Variants in PTPRD observed in about 807,000 individuals in gnomAD.
The protein encoded by PTPRD is protein tyrosine phosphatase receptor type D, also known as receptor-type tyrosine-protein phosphatase delta.
In PTPRD, 34 loss-of-function variants were observed where a neutral mutation model predicts 214.5. The observed-to-expected ratio is 0.16, with a 90% CI of 0.12 to 0.21. The LOEUF (loss-of-function observed/expected upper bound fraction) is 0.21, where lower values mean the gene tolerates loss of function less well. PTPRD is among the 10% of genes least tolerant of loss of function. The pLI is 1.00. For missense variants in PTPRD, 2,545 were observed against 2,398.7 expected (o/e 1.06, Z -1.27); for synonymous variants, 1,128 against 845.7 (o/e 1.33, Z -5.79).
At chr9:9,954,864 A>G (rs1038570978) in intron 4 of PTPRD, among the ~76,000 whole-genome samples, 5 of 152,182 alleles carry the variant, frequency 3.3e-5, no homozygotes, top group African/African-American at 1.2e-4. Context: ...CAAATATTAC[A>G]AAGGAATGAG....
At chr9:8,873,293 T>A (rs2098334053) in intron 11 of PTPRD, among the ~76,000 whole-genome samples, 1 of 152,208 alleles carries the variant, frequency 6.6e-6, no homozygotes, top group Non-Finnish European at 1.5e-5. Context: ...TACCCCTTCA[T>A]CTCTATCCTA....
At chr9:9,013,149 T>A (rs1345336385) in intron 11 of PTPRD, among the ~76,000 whole-genome samples, 1 of 152,066 alleles carries the variant, frequency 6.6e-6, no homozygotes, top group African/African-American at 2.4e-5. Flanking sequence ...TTTTTTTTTC[T>A]GTTTTTTGTT....
chr9:9,265,918 C>A (rs1594817726), intron 9 of PTPRD, among the ~76,000 whole-genome samples: 2 of 151,552 alleles, frequency 1.3e-5, no homozygotes, highest in East Asian at 3.9e-4. Flanking sequence ...AAATTACATT[C>A]TCCAATCAAA....
At chr9:8,985,990 A>G (rs1228764105) in intron 11 of PTPRD, among the ~76,000 whole-genome samples, 1 of 152,100 alleles carries the variant, frequency 6.6e-6, no homozygotes, top group African/African-American at 2.4e-5. Context: ...TTCATCAAAT[A>G]TTAGCTATAA....
chr9:10,394,957 C>CTTTTTTTTTTTT (rs34786789), intron 2 of PTPRD, among the ~76,000 whole-genome samples: 1 of 133,198 alleles, frequency 7.5e-6, no homozygotes, highest in African/African-American at 2.9e-5. Flanking sequence ...TTTTCTTTTT[C>CTTTTTTTTTTTT]TTTTTTTTTT....
chr9:8,485,668 G>C (rs1486123976), intron 28 of PTPRD, 94 bp downstream of exon 28: 3 of 1,110,644 alleles, frequency 2.7e-6, no homozygotes, highest in Admixed American at 2.8e-5. Context: ...CTATTAATAT[G>C]AATGGGCTGA....
intron 8 of PTPRD, among the ~76,000 whole-genome samples, chr9:9,560,999 G>GTGCCATGTGCC (rs2082787891): frequency 6.6e-6 from 1 of 151,932 alleles, no homozygotes; most frequent in South Asian, 2.1e-4. Context: ...CTTTCTCTGG[G>GTGCCATGTGCC]TGCCATGTGC....
chr9:10,168,579 T>C (rs887628743), intron 3 of PTPRD, among the ~76,000 whole-genome samples: 1 of 152,166 alleles, frequency 6.6e-6, no homozygotes, highest in Non-Finnish European at 1.5e-5. Flanking sequence ...TCTCTGAAAA[T>C]ACCAAAGCAG....
At chr9:9,506,317 G>A (rs193184242) in intron 8 of PTPRD, among the ~76,000 whole-genome samples, 5 of 151,472 alleles carry the variant, frequency 3.3e-5, no homozygotes, top group Admixed American at 2.6e-4. Context: ...AAGCAGTAGA[G>A]GACCTTTATC....
chr9:9,117,389 CTTG>C (rs1214924974), intron 10 of PTPRD, among the ~76,000 whole-genome samples: 3 of 152,138 alleles, frequency 2.0e-5, no homozygotes, highest in Admixed American at 6.5e-5. Context: ...ACTTAAAACA[CTTG>C]TTGTACTTAA....
At chr9:9,818,172 G>T (rs1303417387) in intron 5 of PTPRD, among the ~76,000 whole-genome samples, 3 of 152,088 alleles carry the variant, frequency 2.0e-5, no homozygotes, top group Non-Finnish European at 2.9e-5. Flanking sequence ...TTTTTAATGG[G>T]ACCCACACCA....
At chr9:9,766,700 T>C (rs1046005288) in intron 6 of PTPRD, 110 bp downstream of exon 6, 3 of 152,262 alleles carry the variant, frequency 2.0e-5, no homozygotes, top group Admixed American at 1.3e-4. Flanking sequence ...AAAAAGTGCA[T>C]GTCCCATGAT....
intron 6 of PTPRD, among the ~76,000 whole-genome samples, chr9:9,758,170 T>G (rs1365367776): frequency 7.8e-6 from 1 of 127,406 alleles, no homozygotes; most frequent in Non-Finnish European, 1.6e-5. Context: ...AAAATTGTAT[T>G]CTCCCTTAGC....
chr9:9,746,557 A>G (rs1427169714), intron 6 of PTPRD, among the ~76,000 whole-genome samples: 1 of 152,200 alleles, frequency 6.6e-6, no homozygotes, highest in African/African-American at 2.4e-5. Context: ...GTTTCACGTA[A>G]ATATTGTGAG....
At chr9:8,674,741 A>G (rs1193826036) in intron 12 of PTPRD, among the ~76,000 whole-genome samples, 3 of 152,228 alleles carry the variant, frequency 2.0e-5, no homozygotes, top group African/African-American at 4.8e-5. Flanking sequence ...TGATTAAGGT[A>G]CATTCAGAGA....
chr9:8,756,115 A>ATCAG (rs1287685826), intron 11 of PTPRD, among the ~76,000 whole-genome samples: 2 of 152,178 alleles, frequency 1.3e-5, no homozygotes, highest in Non-Finnish European at 1.5e-5. Flanking sequence ...GGCCAAGAGA[A>ATCAG]TCAGTGTAGT....
intron 6 of PTPRD, among the ~76,000 whole-genome samples, chr9:9,759,725 C>CT (rs1565046422): frequency 6.6e-6 from 1 of 151,542 alleles, no homozygotes; most frequent in Non-Finnish European, 1.5e-5. Context: ...GCCCAACTAA[C>CT]TTTTTTTATT....
At chr9:9,315,737 A>C (rs1595666760) in intron 9 of PTPRD, among the ~76,000 whole-genome samples, 1 of 151,818 alleles carries the variant, frequency 6.6e-6, no homozygotes, top group East Asian at 1.9e-4. Context: ...GGAAGAAAAA[A>C]AAATCTCTGT....
chr9:9,993,366 A>G (rs1407388101), intron 4 of PTPRD, among the ~76,000 whole-genome samples: 4 of 152,206 alleles, frequency 2.6e-5, no homozygotes, highest in African/African-American at 9.7e-5. Flanking sequence ...TCAAGGTCGT[A>G]TGTTTTTTTG....
Sources: gnomAD v4.1 joint callset for allele counts (sites outside exome capture counted in the v4.1 genomes callset) on GRCh38, gnomAD v4.1.1 for gene constraint, MANE v1.5 for transcripts, NCBI Gene and HGNC (gene_info 2026-07-23, HGNC 2026-07-21) for gene names.